The following EIF4E3 variants were observed in gnomAD, a reference collection of about 807,000 sequenced individuals.
The protein encoded by EIF4E3 is eukaryotic translation initiation factor 4E type 3.
In EIF4E3, 26 loss-of-function variants were observed where a neutral mutation model predicts 31.7. The ratio of observed to expected loss-of-function variants is 0.82; its 90% CI spans 0.60 to 1.14. The LOEUF (loss-of-function observed/expected upper bound fraction) is 1.14, where lower values mean the gene tolerates loss of function less well. Ranked by LOEUF, EIF4E3 falls within the 50% of genes most tolerant of loss-of-function variation. The pLI is 0.00. For missense variants in EIF4E3, 304 were observed against 270.9 expected, an observed-to-expected ratio of 1.12 and a Z score of -0.86; for synonymous variants, 128 against 107.7, an observed-to-expected ratio of 1.19 and a Z score of -1.17.
intron 1 of EIF4E3, among the ~76,000 whole-genome samples, chr3:71,741,491 C>T (rs1157469906): frequency 6.6e-6 from 1 of 152,078 alleles, no homozygotes; most frequent in Non-Finnish European, 1.5e-5. Flanking sequence ...ATATTTTTTA[C>T]TCCTGATAAC....
rs377614147 is a variant in EIF4E3 at position 71,675,974 on chromosome 3, C to G, written c.*8708G>C. On this transcript the variant is annotated 3_prime_UTR_variant, in exon 7 of 7. Coordinates refer to ENST00000425534, the MANE Select transcript of EIF4E3 (RefSeq NM_001134651.2). ...TTCCACATACACAAACTGGGGACAA[C>G]AATGACAGCATCTACCTCGTAGAGT... is the stretch of plus-strand genomic sequence containing the variant. 1.3e-5 allele frequency: 2 copies of G among 152,296 alleles called. No individual in the cohort carries two copies. The highest frequency in any genetic ancestry group is 3.9e-4 in the East Asian group (2 of 5,186). 9.4% of individuals were successfully genotyped at this position (152,296 alleles called of 1,614,324 possible).
intron 1 of EIF4E3, among the ~76,000 whole-genome samples, chr3:71,743,004 C>T (rs1410775363): frequency 6.6e-6 from 1 of 152,148 alleles, no homozygotes; most frequent in Non-Finnish European, 1.5e-5. Flanking sequence ...ACTTCCTCAT[C>T]TATAGGCGCC....
chr3:71,754,084 G>A (rs750604971), upstream of EIF4E3: 293 of 1,333,414 alleles, frequency 2.2e-4, 1 homozygote, highest in Non-Finnish European at 4.8e-5. This position sits in a 1 kb window ranked among gnomAD's most constrained non-coding sequence, Gnocchi z 5.8. Flanking sequence ...GGCAGCGGCG[G>A]CGGCGAGGCG....
At chr3:71,661,001 G>A in the EIF4E3 span, among the ~76,000 whole-genome samples, 1 of 152,100 alleles carries the variant, frequency 6.6e-6, no homozygotes, top group South Asian at 2.1e-4. Context: ...CAGAATCGTG[G>A]GGCACTGGCA....
At chr3:71,749,073 A>G (rs2049901100) in intron 1 of EIF4E3, among the ~76,000 whole-genome samples, 1 of 152,234 alleles carries the variant, frequency 6.6e-6, no homozygotes, top group Non-Finnish European at 1.5e-5. Flanking sequence ...AAATATGCAT[A>G]AGTGTAGTTA....
chr3:71,690,305 A>C, intron 5 of EIF4E3, 140 bp from the exon 6 acceptor site: 1 of 993,580 alleles, frequency 1.0e-6, no homozygotes, highest in Non-Finnish European at 1.4e-6. Flanking sequence ...TGTAAGAAAT[A>C]ATTGTTTCTA....
the EIF4E3 span, among the ~76,000 whole-genome samples, chr3:71,666,926 G>A: frequency 4.1e-4 from 62 of 152,104 alleles, no homozygotes; most frequent in African/African-American, 1.3e-3. Context: ...ACAACAGAGC[G>A]AGACTTGGTC....
chr3:71,734,346 C>T (rs2049739419), intron 1 of EIF4E3, among the ~76,000 whole-genome samples: 1 of 147,740 alleles, frequency 6.8e-6, no homozygotes, highest in Admixed American at 6.7e-5. Flanking sequence ...ATAGCTGAGT[C>T]ACTTTCGTCC....
chr3:71,704,040 A>C (rs142126263), intron 2 of EIF4E3, among the ~76,000 whole-genome samples: 7 of 152,368 alleles, frequency 4.6e-5, no homozygotes, highest in African/African-American at 1.7e-4. Flanking sequence ...CTCACAGCAG[A>C]CACAAAGGCT....
chr3:71,748,666 C>T (rs997375217), intron 1 of EIF4E3, among the ~76,000 whole-genome samples: 7 of 152,250 alleles, frequency 4.6e-5, no homozygotes, highest in Admixed American at 3.9e-4. Flanking sequence ...AGAACAGGAA[C>T]GATATGCCAA....
chr3:71,752,375 A>G (rs2049938633), intron 1 of EIF4E3, among the ~76,000 whole-genome samples: 1 of 152,158 alleles, frequency 6.6e-6, no homozygotes, highest in East Asian at 1.9e-4. Context: ...GAGCACACCT[A>G]GTCATGTCGC....
intron 3 of EIF4E3, among the ~76,000 whole-genome samples, chr3:71,699,384 A>C (rs971366770): frequency 4.6e-5 from 7 of 152,168 alleles, no homozygotes; most frequent in African/African-American, 1.7e-4. Context: ...ATAAGGATTT[A>C]TTACTAACTG....
rs932942493 is a variant in EIF4E3, at chr3:71,697,023, AT to A, written c.345-504del. Among the ~76,000 whole-genome samples the A allele has an allele frequency of 7.3e-5, 9 of 123,392 alleles. No homozygotes were observed. In the East Asian group the frequency reaches 1.0e-3, roughly 14 times the overall value. 80.9% of individuals were successfully genotyped at this position (123,392 alleles called of 152,430 possible). A position where few individuals can be genotyped will look rare whatever the true frequency, so the allele number is the denominator to read the frequency against. On this transcript the variant is annotated intron_variant, in intron 3 of 6. Coordinates refer to ENST00000425534, the MANE Select transcript of EIF4E3 (RefSeq NM_001134651.2). Reference sequence around the variant, plus strand: ...GTAAGCCACCGCACCCGGCCCCTGAATTTTTTTTTAAAGACTAGGTCTCACT... The same window carrying A: ...GTAAGCCACCGCACCCGGCCCCTGAATTTTTTTTAAAGACTAGGTCTCACT...
chr3:71,714,899 G>A (rs1313589062), intron 1 of EIF4E3, among the ~76,000 whole-genome samples: 1 of 152,196 alleles, frequency 6.6e-6, no homozygotes, highest in African/African-American at 2.4e-5. Context: ...GAAGGTAAAT[G>A]TCTGTAATGG....
At chr3:71,691,005 A>G (rs1280172189) in intron 5 of EIF4E3, among the ~76,000 whole-genome samples, 2 of 152,220 alleles carry the variant, frequency 1.3e-5, no homozygotes, top group African/African-American at 4.8e-5. Context: ...GATGGATAGT[A>G]AGGTGTTATA....
intron 1 of EIF4E3, among the ~76,000 whole-genome samples, chr3:71,744,616 G>A (rs957114346): frequency 7.9e-5 from 12 of 152,188 alleles, no homozygotes; most frequent in Admixed American, 2.0e-4. Flanking sequence ...ATGGTGGCAC[G>A]TGCCTGTAGT....
intron 1 of EIF4E3, among the ~76,000 whole-genome samples, chr3:71,716,238 CT>C (rs35856264): frequency 0.079 from 11,565 of 147,228 alleles, 507 homozygotes; most frequent in Non-Finnish European, 0.1. Flanking sequence ...GCATTTTATC[CT>C]TTTTTTTTTT....
intron 5 of EIF4E3, among the ~76,000 whole-genome samples, chr3:71,693,111 T>C (rs750513086): frequency 5.3e-5 from 8 of 152,016 alleles, no homozygotes; most frequent in Non-Finnish European, 1.0e-4. Context: ...GGAAGAAAAA[T>C]AGTATTCTAA....
At position 71,682,152 on chromosome 3, in the gene EIF4E3, T is replaced by G. The variant is rs907792682; in HGVS notation, c.*2530A>C. ...AGGCAAGTGCCTGTGATATAACAAT[T>G]TAGGGAATAATGGGAGAATAAAAAG... On this transcript the variant is annotated 3_prime_UTR_variant, in exon 7 of 7. Coordinates refer to ENST00000425534, the MANE Select transcript of EIF4E3 (RefSeq NM_001134651.2). 5 of 152,162 alleles carry G rather than the reference T, an allele frequency of 3.3e-5. No individual in the cohort carries two copies. Among genetic ancestry groups the G allele is most frequent in the African/African-American group, 1.2e-4 (5 of 41,426 alleles). 9.4% of individuals were successfully genotyped at this position (152,162 alleles called of 1,614,324 possible).
Sources: gnomAD v4.1 joint callset for allele counts (sites outside exome capture counted in the v4.1 genomes callset) on GRCh38, gnomAD v4.1.1 for gene constraint, Gnocchi (gnomAD v3.1) non-coding constraint, MANE v1.5 for transcripts, NCBI Gene and HGNC (gene_info 2026-07-23, HGNC 2026-07-21) for gene names.